The following CRELD1 variants were observed in gnomAD, a reference collection of about 807,000 sequenced individuals.
CRELD1 encodes CRELD disulfide isomerase 1.
In CRELD1, 42 loss-of-function variants were observed where a neutral mutation model predicts 58.2. That is an observed-to-expected ratio of 0.72 (90% confidence interval 0.56 to 0.93). The LOEUF (loss-of-function observed/expected upper bound fraction) is 0.93, where lower values mean the gene tolerates loss of function less well. CRELD1 is among the 40% of genes least tolerant of loss of function. CRELD1 has a pLI of 0.00. For missense variants in CRELD1, 500 were observed against 540.6 expected, an observed-to-expected ratio of 0.92 and a Z score of 0.74; for synonymous variants, 222 against 202.0, an observed-to-expected ratio of 1.10 and a Z score of -0.84.
Position 9,934,508 on chromosome 3 carries a change from C to G in CRELD1, c.70C>G (p.Pro24Ala). 6.2e-7 allele frequency: 1 copy of G among 1,613,566 alleles called. No individual in the cohort carries two copies. The highest frequency in any genetic ancestry group is 8.5e-7 in the Non-Finnish European group (1 of 1,179,560). Reference protein sequence around the residue: ...LWGLSLFLNLPGPIWLQPSPP... With the variant: ...LWGLSLFLNLAGPIWLQPSPP... ...GGGCCTCAGCCTCTTCCTCAACCTC[C>G]CAGGACCTATCTGGCTCCAGCCCTC... The change falls in exon 2 of 11, where the codon CCA becomes GCA. Residue 24 changes from proline (P) to alanine (A), a missense_variant. Physicochemically the swap from Pro to Ala is conservative, Grantham distance 27 (BLOSUM62 -1). Coordinates refer to ENST00000452070, the MANE Select transcript of CRELD1 (RefSeq NM_001077415.3).
intron 10 of CRELD1, chr3:9,944,139 G>A: frequency 1.3e-6 from 1 of 788,420 alleles, no homozygotes; most frequent in South Asian, 1.3e-5. Flanking sequence ...CATGGCCTTG[G>A]CAAGTCCAAC....
rs2085126945 is a variant in CRELD1 at position 9,934,914 on chromosome 3, A to G, written c.254A>G (p.Asp85Gly). The G allele has an allele frequency of 1.8e-5, 29 of 1,609,944 alleles. No homozygotes were observed. The highest frequency in any genetic ancestry group is 2.3e-5 in the Non-Finnish European group (27 of 1,177,970). Residue 85 changes from aspartate (D) to glycine (G), a missense_variant, in exon 3 of 11, where the codon GAC (aspartate) becomes GGC (glycine). By Grantham distance (94) the Asp-to-Gly change is moderately conservative. Coordinates refer to ENST00000452070, the MANE Select transcript of CRELD1 (RefSeq NM_001077415.3). ...GAAGAGAATTTGTCCAAATACAAAG[A>G]CAGGTAAGGGGCTGCTGGGGGAAGG... ...WEEENLSKYK[D>G]SETRLVEVLE...
At chr3:9,935,111 A>G in intron 3 of CRELD1, 194 bp downstream of exon 3, 1 of 579,398 alleles carries the variant, frequency 1.7e-6, no homozygotes, top group Middle Eastern at 4.7e-4. Context: ...GAAGACAAGC[A>G]GTGAATGAGT....
At chr3:9,936,706 A>T (rs1367273521) in intron 3 of CRELD1, among the ~76,000 whole-genome samples, 2 of 152,048 alleles carry the variant, frequency 1.3e-5, no homozygotes, top group Non-Finnish European at 2.9e-5. Flanking sequence ...TATACCTATT[A>T]CACAGCCACT....
intron 7 of CRELD1, among the ~76,000 whole-genome samples, chr3:9,941,869 C>T (rs890754117): frequency 2.6e-5 from 4 of 151,230 alleles, no homozygotes; most frequent in Admixed American, 6.6e-5. Context: ...GTCAGGAAAC[C>T]TGGGTTCAAG....
In CRELD1 at chr3:9,940,844, C is replaced by A. The variant is rs955274453; in HGVS notation, c.461-6C>A. ...TGACCTCACCTGGTTTGGTGTCTTCCCACAGCCTGTCCTGGGGGAACAGAG... is the reference window on the plus strand; with the variant it reads ...TGACCTCACCTGGTTTGGTGTCTTCACACAGCCTGTCCTGGGGGAACAGAG... On this transcript the variant is annotated splice_region_variant and splice_polypyrimidine_tract_variant and intron_variant, in intron 5 of 10. Coordinates refer to ENST00000452070, the MANE Select transcript of CRELD1 (RefSeq NM_001077415.3). The A allele has an allele frequency of 1.2e-6, 2 of 1,607,572 alleles. No individual in the cohort carries two copies. The highest frequency in any genetic ancestry group is 1.3e-5 in the African/African-American group (1 of 74,094).
chr3:9,941,316 A>C, intron 7 of CRELD1, 110 bp downstream of exon 7: 1 of 939,750 alleles, frequency 1.1e-6, no homozygotes, highest in South Asian at 1.6e-5. Flanking sequence ...ACCTTCATGG[A>C]GATCTCAACC....
chr3:9,934,760 C>A (rs2085120285), intron 2 of CRELD1, 75 bp from the exon 3 acceptor site: 1 of 1,525,976 alleles, frequency 6.6e-7, no homozygotes, highest in African/African-American at 1.4e-5. Context: ...GCCTCAGTTT[C>A]CTAGTCAGTA....
At chr3:9,936,199 A>G (rs2085187944) in intron 3 of CRELD1, 1 of 152,164 alleles carries the variant, frequency 6.6e-6, no homozygotes, top group Admixed American at 6.5e-5. Flanking sequence ...TATTTCATAG[A>G]AGTGTGGAAA....
At chr3:9,938,587 C>T (rs775009816) in intron 5 of CRELD1, 49 of 167,370 alleles carry the variant, frequency 2.9e-4, no homozygotes, top group Non-Finnish European at 5.6e-4. Context: ...TGGCTGGGCG[C>T]GGTGGCTCAC....
At chr3:9,942,125 G>C (rs1219485658) in intron 7 of CRELD1, among the ~76,000 whole-genome samples, 1 of 151,972 alleles carries the variant, frequency 6.6e-6, no homozygotes, top group Admixed American at 6.6e-5. Context: ...CAAAAATTTA[G>C]CCAGGCATGG....
Position 9,944,823 on chromosome 3 carries a change from G to A in CRELD1, c.*244G>A. 1 of 556,946 alleles carries A rather than the reference G, an allele frequency of 1.8e-6. No homozygotes were observed. Among genetic ancestry groups the A allele is most frequent in the Non-Finnish European group, 3.2e-6 (1 of 309,504 alleles). The allele number at this position is 556,946 out of a possible 1,614,324, so 34.5% of individuals were successfully genotyped here. On this transcript the variant is annotated 3_prime_UTR_variant, in exon 11 of 11. Transcript: ENST00000452070. ...CGGGGACTGGCAGGCTTCACAATGT[G>A]TGAATTTCAAAAGTTTTTCCTTAAT...
intron 5 of CRELD1, chr3:9,938,318 A>G: frequency 1.7e-6 from 1 of 580,498 alleles, no homozygotes; most frequent in East Asian, 2.9e-5. Context: ...AGTCATATGC[A>G]GTATAGTTAT....
At chr3:9,943,766 T>A (rs931798427) in intron 10 of CRELD1, 2 of 1,597,940 alleles carry the variant, frequency 1.3e-6, no homozygotes, top group African/African-American at 2.7e-5. Flanking sequence ...TTTCCTCATC[T>A]ATCCAATGGG....
At chr3:9,934,949 TC>T in intron 3 of CRELD1, 32 bp downstream of exon 3, 1 of 1,545,176 alleles carries the variant, frequency 6.5e-7, no homozygotes, top group Non-Finnish European at 8.9e-7. Flanking sequence ...GGGTGTATAT[TC>T]CCCTCCCCGC....
chr3:9,943,637 A>AGGCTGG (rs1306176146), intron 10 of CRELD1, 122 bp downstream of exon 10: 11 of 1,581,290 alleles, frequency 7.0e-6, no homozygotes, highest in Non-Finnish European at 9.4e-6. Context: ...AGCCCCCTGG[A>AGGCTGG]GGCTGCACTG....
rs1357133082 is a variant in CRELD1, at chr3:9,934,604, T to G, written c.166T>G (p.Phe56Val). The G allele has an allele frequency of 1.9e-6, 3 of 1,612,744 alleles. No individual in the cohort carries two copies. Among genetic ancestry groups the G allele is most frequent in the Admixed American group, 3.3e-5 (2 of 59,976 alleles). The change falls in exon 2 of 11, where the codon TTT (phenylalanine) becomes GTT (valine). Residue 56 changes from phenylalanine to valine, a missense_variant. Coordinates refer to ENST00000452070, the MANE Select transcript of CRELD1 (RefSeq NM_001077415.3). ...CHTCRGLVDS[F>V]NKGLERTIRD... Reference sequence around the variant, plus strand: ...TACCTGCCGGGGACTGGTTGACAGCTTTAACAAGGTGGGTGCACCGGCAGC... The same window carrying G: ...TACCTGCCGGGGACTGGTTGACAGCGTTAACAAGGTGGGTGCACCGGCAGC...
chr3:9,938,147 C>A, intron 5 of CRELD1, 41 bp downstream of exon 5: 1 of 1,457,520 alleles, frequency 6.9e-7, no homozygotes. Flanking sequence ...AGGGGACCAC[C>A]GAGTCCAGGG....
intron 3 of CRELD1, among the ~76,000 whole-genome samples, chr3:9,936,736 C>T (rs1301081040): frequency 6.6e-6 from 1 of 152,064 alleles, no homozygotes; most frequent in Non-Finnish European, 1.5e-5. Flanking sequence ...CCCCTTCCCT[C>T]GGCTCTTGGC....
Sources: gnomAD v4.1 joint callset for allele counts (sites outside exome capture counted in the v4.1 genomes callset) on GRCh38, gnomAD v4.1.1 for gene constraint, MANE v1.5 for transcripts, NCBI Gene and HGNC (gene_info 2026-07-23, HGNC 2026-07-21) for gene names.